Variants in SLIT2 observed in about 807,000 individuals in gnomAD.
SLIT2 encodes the protein slit guidance ligand 2, also known as slit homolog 2 protein.
Under a neutral mutation model 185.7 loss-of-function variants are expected in SLIT2, and 41 were observed. The ratio of observed to expected loss-of-function variants is 0.22; its 90% CI spans 0.17 to 0.29. The LOEUF (loss-of-function observed/expected upper bound fraction) is 0.29. SLIT2 is among the 10% of genes least tolerant of loss of function. SLIT2 has a pLI of 1.00. For missense variants in SLIT2, 1,571 were observed against 1,909.0 expected, an observed-to-expected ratio of 0.82 and a Z score of 3.30; for synonymous variants, 693 against 680.2, an observed-to-expected ratio of 1.02 and a Z score of -0.29.
intron 33 of SLIT2, among the ~76,000 whole-genome samples, chr4:20,601,095 AAGAAAT>A (rs1268947116): frequency 3.3e-5 from 5 of 152,164 alleles, no homozygotes; most frequent in Non-Finnish European, 5.9e-5. Context: ...ACTAGACACA[AAGAAAT>A]AGAAACAAGA....
rs1333523681 is a variant in SLIT2, at chr4:20,524,123, C to T, written c.1384C>T (p.Arg462Cys). The change falls in exon 14 of 37, where the codon CGC becomes TGC. Residue 462 changes from arginine (R) to cysteine (C), a missense_variant. Physicochemically the swap from Arg to Cys is radical, Grantham distance 180. This residue lies in a region of SLIT2 where 1,202 missense variants were observed against 1,416.4 expected (regional missense o/e 0.85). Transcript: ENST00000504154. ...TGGTGCCCGTTGCACCAGCCCCCGC[C>T]GCCTGGCAAACAAAAGAATTGGACA... ...TSGARCTSPR[R>C]LANKRIGQIK... 7 of 1,614,144 alleles carry T rather than the reference C, an allele frequency of 4.3e-6. No homozygotes were observed. The highest frequency in any genetic ancestry group is 2.2e-5 in the East Asian group (1 of 44,876).
At chr4:20,344,648 C>T (rs540958886) in intron 4 of SLIT2, among the ~76,000 whole-genome samples, 103 of 152,220 alleles carry the variant, frequency 6.8e-4, no homozygotes, top group Non-Finnish European at 8.8e-5. Context: ...TTTTCTGTCT[C>T]CCTCATTGAT....
intron 5 of SLIT2, among the ~76,000 whole-genome samples, chr4:20,472,489 T>G (rs1343277309): frequency 4.6e-5 from 1 of 21,772 alleles, no homozygotes; most frequent in Non-Finnish European, 6.7e-5. Context: ...TATATCTATA[T>G]ATAGATATAT....
At chr4:20,303,648 A>G (rs1717267522) in intron 4 of SLIT2, among the ~76,000 whole-genome samples, 1 of 152,152 alleles carries the variant, frequency 6.6e-6, no homozygotes, top group South Asian at 2.1e-4. Flanking sequence ...TGGATAAACA[A>G]ACAACAGTGA....
In SLIT2 at chr4:20,611,217, A is replaced by G. The variant is rs187936370; in HGVS notation, c.3847+1050A>G. Among the ~76,000 whole-genome samples the G allele has an allele frequency of 2.0e-3, 300 of 152,344 alleles. 2 individuals carry two copies. Among genetic ancestry groups the G allele is most frequent in the African/African-American group, 6.8e-3 (284 of 41,586 alleles). ...ATCATTTTCTGAAAAATAATAACCTATGCTACACCATTATCTCAACCACTC... is the reference window on the plus strand; with the variant it reads ...ATCATTTTCTGAAAAATAATAACCTGTGCTACACCATTATCTCAACCACTC... On this transcript the variant is annotated intron_variant, in intron 34 of 36. Transcript: ENST00000504154.
intron 4 of SLIT2, among the ~76,000 whole-genome samples, chr4:20,451,634 G>A (rs558169604): frequency 2.4e-4 from 37 of 152,176 alleles, no homozygotes; most frequent in Non-Finnish European, 1.0e-4. Context: ...TGAATCTACT[G>A]GGGCTAATTA....
intron 26 of SLIT2, 41 bp from the exon 27 acceptor site, chr4:20,567,221 G>A: frequency 1.9e-6 from 3 of 1,564,426 alleles, no homozygotes; most frequent in Non-Finnish European, 2.6e-6. Context: ...AAAGTAAACT[G>A]GAAGAGCGTC....
intron 4 of SLIT2, among the ~76,000 whole-genome samples, chr4:20,395,634 T>C (rs1014207130): frequency 6.2e-4 from 94 of 151,956 alleles, no homozygotes; most frequent in African/African-American, 1.7e-3. Flanking sequence ...CAAAAAAGCA[T>C]TGGGCAAAAT....
At chr4:20,380,078 T>C (rs1344402928) in intron 4 of SLIT2, among the ~76,000 whole-genome samples, 1 of 152,068 alleles carries the variant, frequency 6.6e-6, no homozygotes, top group African/African-American at 2.4e-5. Context: ...TAAAGGAGTA[T>C]GTAGAGCAAC....
intron 4 of SLIT2, among the ~76,000 whole-genome samples, chr4:20,325,644 T>A (rs1427698046): frequency 2.0e-5 from 3 of 152,172 alleles, no homozygotes; most frequent in Non-Finnish European, 4.4e-5. Flanking sequence ...ATAAGTATGA[T>A]AAAATATTTT....
chr4:20,513,823 G>T (rs1224920377), intron 11 of SLIT2, among the ~76,000 whole-genome samples: 1 of 152,078 alleles, frequency 6.6e-6, no homozygotes, highest in Non-Finnish European at 1.5e-5. Flanking sequence ...AGATAATGCA[G>T]ATATATAGAG....
intron 4 of SLIT2, among the ~76,000 whole-genome samples, chr4:20,408,818 A>G (rs908293790): frequency 3.9e-5 from 6 of 152,154 alleles, no homozygotes; most frequent in Non-Finnish European, 8.8e-5. Context: ...GCTGTGGCTC[A>G]TGGTGTTGCT....
intron 28 of SLIT2, among the ~76,000 whole-genome samples, chr4:20,568,509 C>T (rs568881080): frequency 1.3e-5 from 2 of 151,712 alleles, no homozygotes; most frequent in Admixed American, 6.6e-5. Flanking sequence ...AGCAAAGAAG[C>T]CTGAATTATT....
intron 8 of SLIT2, among the ~76,000 whole-genome samples, 194 bp from the exon 9 acceptor site, chr4:20,491,567 C>T (rs1717779527): frequency 6.6e-6 from 1 of 152,156 alleles, no homozygotes; most frequent in African/African-American, 2.4e-5. Context: ...TACTTCCTCT[C>T]ATTTGCTTTA....
intron 33 of SLIT2, among the ~76,000 whole-genome samples, chr4:20,602,076 A>T (rs1199272500): frequency 6.6e-6 from 1 of 152,164 alleles, no homozygotes; most frequent in African/African-American, 2.4e-5. Flanking sequence ...TCTATAGGGT[A>T]TTTTTGGTTA....
intron 4 of SLIT2, among the ~76,000 whole-genome samples, chr4:20,420,921 T>A (rs939671307): frequency 1.3e-5 from 2 of 152,106 alleles, no homozygotes; most frequent in Non-Finnish European, 2.9e-5. Flanking sequence ...CAGAAACAGA[T>A]CATGCTGGCA....
chr4:20,315,443 T>A (rs1414494080), intron 4 of SLIT2, among the ~76,000 whole-genome samples: 1 of 152,122 alleles, frequency 6.6e-6, no homozygotes, highest in Non-Finnish European at 1.5e-5. Flanking sequence ...CAAGTAGGCT[T>A]GTGATGTGCT....
chr4:20,577,069 A>T (rs1297754057), intron 29 of SLIT2, among the ~76,000 whole-genome samples: 12 of 152,116 alleles, frequency 7.9e-5, no homozygotes, highest in Non-Finnish European at 1.8e-4. Context: ...GTGATACAAA[A>T]ATCCATAAGA....
At position 20,441,503 on chromosome 4, in the gene SLIT2, GC is replaced by G. The variant is rs72605532; in HGVS notation, c.396-26240del. 7.1e-3 allele frequency among the ~76,000 whole-genome samples: 520 copies of G among 73,340 alleles called. 8 individuals carry two copies. Among genetic ancestry groups the G allele is most frequent in the East Asian group, 0.042 (125 of 2,964 alleles). The allele number at this position is 73,340 out of a possible 152,430, so 48.1% of individuals were successfully genotyped here. A position where few individuals can be genotyped will look rare whatever the true frequency, so the allele number is the denominator to read the frequency against. On this transcript the variant is annotated intron_variant, in intron 4 of 36. Transcript: ENST00000504154. ...CATCCAATCTCTCTCTCTCTCTCTC[GC>G]CCCCCCCCACTTCTGTCTCTCTCTC...
Sources: allele counts gnomAD v4.1 joint callset (sites outside exome capture counted in the v4.1 genomes callset), GRCh38; gene constraint gnomAD v4.1.1; regional missense constraint gnomAD v4.1.1; transcripts MANE v1.5; gene names NCBI Gene and HGNC (gene_info 2026-07-23, HGNC 2026-07-21).